The following CADM2 variants were observed in gnomAD, a reference collection of about 807,000 sequenced individuals.
CADM2 encodes cell adhesion molecule 2.
A neutral mutation model predicts 49.8 loss-of-function variants in CADM2; 12 were observed. The ratio of observed to expected loss-of-function variants is 0.24; its 90% CI spans 0.15 to 0.39. The LOEUF (loss-of-function observed/expected upper bound fraction) is 0.39. CADM2 is among the 10% of genes least tolerant of loss of function. CADM2 has a pLI of 1.00. For synonymous variants in CADM2, 214 were observed against 175.4 expected (o/e 1.22, Z -1.74); for missense variants, 378 against 492.3 (o/e 0.77, Z 2.20).
At chr3:85,646,634 A>G (rs2064894337) in intron 1 of CADM2, among the ~76,000 whole-genome samples, 1 of 151,958 alleles carries the variant, frequency 6.6e-6, no homozygotes, top group Non-Finnish European at 1.5e-5. Flanking sequence ...TGAGGACCCA[A>G]AGAAAGGAAT....
chr3:85,050,109 C>G (rs2035825412), intron 1 of CADM2, among the ~76,000 whole-genome samples: 1 of 152,024 alleles, frequency 6.6e-6, no homozygotes, highest in African/African-American at 2.4e-5. Context: ...CAAGATTGCT[C>G]TCGGTGTTCT....
At chr3:85,141,612 A>T (rs1405761350) in intron 1 of CADM2, among the ~76,000 whole-genome samples, 1 of 152,208 alleles carries the variant, frequency 6.6e-6, no homozygotes, top group Admixed American at 6.5e-5. Flanking sequence ...TTTTATATAT[A>T]AATATTTAAG....
intron 2 of CADM2, among the ~76,000 whole-genome samples, chr3:85,792,370 T>G (rs1265592181): frequency 6.6e-6 from 1 of 152,260 alleles, no homozygotes; most frequent in South Asian, 2.1e-4. Flanking sequence ...TTAAATATTC[T>G]TAACATCTTG....
chr3:85,139,496 G>A (rs2039513886), intron 1 of CADM2, among the ~76,000 whole-genome samples: 1 of 151,830 alleles, frequency 6.6e-6, no homozygotes, highest in Admixed American at 6.6e-5. Context: ...CAGAGAGTTT[G>A]TATTTTACCA....
At chr3:85,441,858 A>T (rs2107544708) in intron 1 of CADM2, among the ~76,000 whole-genome samples, 1 of 152,220 alleles carries the variant, frequency 6.6e-6, no homozygotes, top group South Asian at 2.1e-4. Flanking sequence ...ACAATGCAGA[A>T]TTGAGAGGAG....
rs150985123 is a variant in CADM2, at chr3:85,753,681, G to A, written c.88+27133G>A. Among the ~76,000 whole-genome samples, 4 of 152,212 alleles carry A rather than the reference G, an allele frequency of 2.6e-5. No homozygotes were observed. In the East Asian group the frequency reaches 7.8e-4, roughly 29 times the overall value. On this transcript the variant is annotated intron_variant, in intron 2 of 9. Transcript: ENST00000383699. ...AGGAACAACATGAGCAGACAATATA[G>A]GAACTAGAACAGGTGAGTACAAAGC...
intron 1 of CADM2, among the ~76,000 whole-genome samples, chr3:85,151,440 G>A: frequency 6.6e-6 from 1 of 151,794 alleles, no homozygotes; most frequent in Non-Finnish European, 1.5e-5. Context: ...TTATAGTTAG[G>A]AGCCCTTCAT....
intron 1 of CADM2, among the ~76,000 whole-genome samples, chr3:85,065,610 G>A (rs528064004): frequency 3.3e-5 from 5 of 152,134 alleles, no homozygotes; most frequent in Non-Finnish European, 7.4e-5. Context: ...ATCTAAATAA[G>A]ATTTTTCCAG....
chr3:85,902,250 T>C (rs1334000985), intron 5 of CADM2, among the ~76,000 whole-genome samples: 1 of 152,054 alleles, frequency 6.6e-6, no homozygotes, highest in East Asian at 1.9e-4. Context: ...TTCTAATGGA[T>C]GGTCTTTTCT....
At chr3:85,278,679 T>C (rs1363752702) in intron 1 of CADM2, among the ~76,000 whole-genome samples, 1 of 150,742 alleles carries the variant, frequency 6.6e-6, no homozygotes, top group African/African-American at 2.4e-5. Flanking sequence ...ACATAATTTT[T>C]CAGAGACGGT....
chr3:85,214,390 C>T (rs1193760350), intron 1 of CADM2, among the ~76,000 whole-genome samples: 1 of 152,130 alleles, frequency 6.6e-6, no homozygotes, highest in African/African-American at 2.4e-5. Flanking sequence ...CAGACTTGAA[C>T]CAGAACAGCA....
chr3:85,541,742 TA>T (rs774067431), intron 1 of CADM2, among the ~76,000 whole-genome samples: 71,008 of 127,198 alleles, frequency 0.56, 22,043 homozygotes, highest in East Asian at 0.91. Context: ...TTTATATATA[TA>T]TTTTATATAT....
intron 8 of CADM2, among the ~76,000 whole-genome samples, chr3:86,037,369 G>A (rs1735295121): frequency 6.6e-6 from 1 of 152,032 alleles, no homozygotes; most frequent in African/African-American, 2.4e-5. Context: ...TATATGTAAT[G>A]GAAAAAATAA....
chr3:85,508,088 A>C (rs2040437912), intron 1 of CADM2, among the ~76,000 whole-genome samples: 2 of 152,174 alleles, frequency 1.3e-5, no homozygotes, highest in Admixed American at 1.3e-4. Context: ...TTCAATATAT[A>C]GATCAGGAAA....
At chr3:85,729,697 G>A (rs569006693) in intron 2 of CADM2, among the ~76,000 whole-genome samples, 45 of 152,278 alleles carry the variant, frequency 3.0e-4, no homozygotes, top group African/African-American at 1.0e-3. Context: ...TTGGTCTAAC[G>A]TATTGCTAAG....
chr3:85,232,367 A>G (rs777790981), intron 1 of CADM2, among the ~76,000 whole-genome samples: 1 of 152,040 alleles, frequency 6.6e-6, no homozygotes, highest in Non-Finnish European at 1.5e-5. Context: ...TCTCATACAA[A>G]TATACATACC....
intron 1 of CADM2, among the ~76,000 whole-genome samples, chr3:85,134,136 G>A (rs1325333141): frequency 6.6e-6 from 1 of 152,218 alleles, no homozygotes; most frequent in Admixed American, 6.5e-5. Flanking sequence ...GGGCCCGCAG[G>A]GCCGGCCGGC....
intron 1 of CADM2, among the ~76,000 whole-genome samples, chr3:85,601,189 C>G (rs75654671): frequency 8.4e-6 from 1 of 119,124 alleles, no homozygotes; most frequent in Non-Finnish European, 1.9e-5. Context: ...CACACACACA[C>G]ATACATGTCA....
intron 1 of CADM2, among the ~76,000 whole-genome samples, chr3:85,009,747 TC>T (rs1190276933): frequency 4.0e-5 from 6 of 151,740 alleles, no homozygotes; most frequent in African/African-American, 1.5e-4. Flanking sequence ...GCACCTGTAG[TC>T]CCAGTTACTC....
Sources: gnomAD v4.1 joint callset for allele counts (sites outside exome capture counted in the v4.1 genomes callset) on GRCh38, gnomAD v4.1.1 for gene constraint, MANE v1.5 for transcripts, NCBI Gene and HGNC (gene_info 2026-07-23, HGNC 2026-07-21) for gene names.